The following MPP2 variants were observed in gnomAD, a reference collection of about 807,000 sequenced individuals.
MPP2 encodes the protein MAGUK p55 scaffold protein 2, also known as MAGUK p55 subfamily member 2.
Under a neutral mutation model 58.5 loss-of-function variants are expected in MPP2, and 42 were observed. That is an observed-to-expected ratio of 0.72 (90% CI 0.56 to 0.93). The LOEUF (loss-of-function observed/expected upper bound fraction) is 0.93, where lower values mean the gene tolerates loss of function less well. Among genes scored for constraint, MPP2 ranks in the 40% least tolerant of loss-of-function variants. The pLI, the probability that MPP2 is intolerant of heterozygous loss-of-function variation, is 0.00. For synonymous variants in MPP2, 300 were observed against 307.8 expected (o/e 0.97, Z 0.26); for missense variants, 632 against 760.4 (o/e 0.83, Z 1.99).
Position 43,880,808 on chromosome 17 carries a change from T to G in MPP2, c.1033A>C (p.Met345Leu). 1 of 1,612,970 alleles carries G rather than the reference T, an allele frequency of 6.2e-7. No homozygotes were observed. Among genetic ancestry groups the G allele is most frequent in the Non-Finnish European group, 8.5e-7 (1 of 1,179,258 alleles). ...AGGGTTTTCCGGCGGAACGGGGGCATGCGGGCCACCTCCTCATAAATGAGC... is the reference window on the plus strand; with the variant it reads ...AGGGTTTTCCGGCGGAACGGGGGCAGGCGGGCCACCTCCTCATAAATGAGC... Reference protein sequence around the residue: ...ELLIYEEVARMPPFRRKTLVL... With the variant: ...ELLIYEEVARLPPFRRKTLVL... Residue 345 changes from methionine to leucine, a missense_variant, in exon 10 of 13, where the codon ATG becomes CTG. Physicochemically the swap from Met to Leu is conservative, Grantham distance 15. Transcript: ENST00000269095. The surrounding 1 kb of genome is among the most constrained non-coding windows in gnomAD (Gnocchi z 5.2).
chr17:43,884,734 C>T (rs1199865286), intron 3 of MPP2, among the ~76,000 whole-genome samples: 2 of 152,208 alleles, frequency 1.3e-5, no homozygotes, highest in African/African-American at 4.8e-5. Flanking sequence ...ATTTATGACC[C>T]TTGCCTAAAT....
Position 43,894,444 on chromosome 17 carries a change from TACACACAC to T in MPP2, c.150+3810_150+3817del, listed in dbSNP as rs201714611. On this transcript the variant is annotated intron_variant, in intron 3 of 12. Transcript: ENST00000269095. ...ATATATATATATATATATATATATA[TACACACAC>T]ACACACACACAAAAATTAGCCGGGC... Among the ~76,000 whole-genome samples, 774 of 81,076 alleles carry T rather than the reference TACACACAC, an allele frequency of 9.5e-3. 25 individuals carry two copies. The highest frequency in any genetic ancestry group is 0.024 in the African/African-American group (559 of 23,166). The allele number at this position is 81,076 out of a possible 152,430, so 53.2% of individuals were successfully genotyped here. A position where few individuals can be genotyped will look rare whatever the true frequency, so the allele number is the denominator to read the frequency against.
At position 43,879,952 on chromosome 17, in the gene MPP2, C is replaced by T; in HGVS notation, c.1183G>A (p.Glu395Lys). Residue 395 changes from glutamate to lysine, a missense_variant, in exon 11 of 13, where the codon GAA (glutamate) becomes AAA (lysine). Transcript: ENST00000269095. The surrounding 1 kb of genome is among the most constrained non-coding windows in gnomAD (Gnocchi z 4.1). ...TSRRPKDSER[E>K]GQGYSFVSRG... ...GACACAAAGCTGTAACCCTGACCTT[C>T]CCGCTCTGAGTCTTTCGGCCGCCGG... The T allele has an allele frequency of 6.2e-7, 1 of 1,614,096 alleles. No individual in the cohort carries two copies. Among genetic ancestry groups the T allele is most frequent in the African/African-American group, 1.3e-5 (1 of 75,012 alleles).
At chr17:43,902,753 T>C (rs889385653) in intron 2 of MPP2, among the ~76,000 whole-genome samples, 1 of 152,046 alleles carries the variant, frequency 6.6e-6, no homozygotes, top group Non-Finnish European at 1.5e-5. Flanking sequence ...AGGAGCTGCA[T>C]GGGAGGGAGG....
rs1391153706 is a variant in MPP2, at chr17:43,907,526, C to A, written c.-86G>T. The A allele has an allele frequency of 1.0e-6, 1 of 985,406 alleles. No homozygotes were observed. The highest frequency in any genetic ancestry group is 4.7e-5 in the South Asian group (1 of 21,294). 61.0% of individuals were successfully genotyped at this position (985,406 alleles called of 1,614,324 possible). ...GGCGGCTCCAGCGCAGCCGGGCGCTCAGCGTTTATTGCTTGTCAATCGCTA... is the reference window on the plus strand; with the variant it reads ...GGCGGCTCCAGCGCAGCCGGGCGCTAAGCGTTTATTGCTTGTCAATCGCTA... On this transcript the variant is annotated 5_prime_UTR_variant, in exon 1 of 13. Transcript: ENST00000269095.
chr17:43,908,382 G>A (rs2048366634), upstream of MPP2, among the ~76,000 whole-genome samples: 1 of 152,180 alleles, frequency 6.6e-6, no homozygotes, highest in Non-Finnish European at 1.5e-5. Flanking sequence ...CAGTTGCCCT[G>A]AACAAAATGT....
chr17:43,882,572 A>T (rs1219232581), intron 5 of MPP2, 61 bp from the exon 6 acceptor site: 1 of 1,508,676 alleles, frequency 6.6e-7, no homozygotes, highest in Admixed American at 1.8e-5. Flanking sequence ...ATCTTCAAAT[A>T]GTCTCCTAAT....
chr17:43,878,236 A>G (rs2046934918), intron 12 of MPP2, among the ~76,000 whole-genome samples: 2 of 152,164 alleles, frequency 1.3e-5, no homozygotes, highest in African/African-American at 4.8e-5. Flanking sequence ...ATGCCACATA[A>G]TCTTCACTAC....
intron 2 of MPP2, among the ~76,000 whole-genome samples, chr17:43,899,341 A>C (rs1468152622): frequency 6.6e-6 from 1 of 152,100 alleles, no homozygotes; most frequent in Non-Finnish European, 1.5e-5. Flanking sequence ...TGTACCTGGC[A>C]GGCTCAAGGA....
At chr17:43,901,555 A>G (rs1352755923) in intron 2 of MPP2, 4 of 985,362 alleles carry the variant, frequency 4.1e-6, no homozygotes, top group Non-Finnish European at 4.8e-6. Context: ...GAGGAGTGGC[A>G]CCAGGTCGCA....
At position 43,879,762 on chromosome 17, in the gene MPP2, AAGG is replaced by A; in HGVS notation, c.1353+17_1353+19del. The A allele has an allele frequency of 6.2e-7, 1 of 1,612,304 alleles. No individual in the cohort carries two copies. The highest frequency in any genetic ancestry group is 8.5e-7 in the Non-Finnish European group (1 of 1,179,692). On this transcript the variant is annotated intron_variant, in intron 11 of 12. Coordinates refer to ENST00000269095, the MANE Select transcript of MPP2 (RefSeq NM_005374.5). This position sits in a 1 kb window ranked among gnomAD's most constrained non-coding sequence, Gnocchi z 4.1. ...CAGAGAGGACATTGGGCAGGCTGGG[AAGG>A]AGCAGAGTGGCGGTACCTGGGGGTT...
intron 3 of MPP2, among the ~76,000 whole-genome samples, chr17:43,896,795 T>G (rs188906808): frequency 2.0e-5 from 3 of 152,230 alleles, no homozygotes; most frequent in African/African-American, 7.2e-5. Context: ...TCCTGCTCCA[T>G]CTCTGATCCC....
chr17:43,882,384 C>G lies in MPP2; in HGVS notation c.581G>C (p.Gly194Ala). The G allele has an allele frequency of 6.2e-7, 1 of 1,612,104 alleles. No individual in the cohort carries two copies. The highest frequency in any genetic ancestry group is 8.5e-7 in the Non-Finnish European group (1 of 1,179,968). ...IIKEVNGQPV[G>A]SDPRALQELL... Reference sequence around the variant, plus strand: ...CTCCTGCAGTGCGCGGGGGTCACTGCCCACTGGCTGCCCGTTCACCTCCTT... The same window carrying G: ...CTCCTGCAGTGCGCGGGGGTCACTGGCCACTGGCTGCCCGTTCACCTCCTT... The change falls in exon 6 of 13, where the codon GGC (glycine) becomes GCC (alanine). Residue 194 changes from glycine (G) to alanine (A), a missense_variant. Gly to Ala is a moderately conservative substitution (Grantham distance 60). Coordinates refer to ENST00000269095, the MANE Select transcript of MPP2 (RefSeq NM_005374.5).
At chr17:43,889,627 C>G (rs987277243) in intron 3 of MPP2, among the ~76,000 whole-genome samples, 1 of 152,010 alleles carries the variant, frequency 6.6e-6, no homozygotes, top group African/African-American at 2.4e-5. Flanking sequence ...TCCCAAAGTG[C>G]TGGGATTACA....
In MPP2 at chr17:43,879,436, T is replaced by TC. The variant is rs1232394662; in HGVS notation, c.1354-34dup. The TC allele has an allele frequency of 1.9e-6, 3 of 1,611,208 alleles. No individual in the cohort carries two copies. The East Asian group carries it at 6.7e-5, about 36-fold the overall frequency. On this transcript the variant is annotated intron_variant, in intron 11 of 12. Transcript: ENST00000269095. The surrounding 1 kb of genome is among the most constrained non-coding windows in gnomAD (Gnocchi z 4.1). ...AGGAGAAGGCAAGGTAGGGAGTATA[T>TC]CCCCATGTCTGTCCTAGGAACCAGA...
rs1174961625 is a variant in MPP2, at chr17:43,876,095, T to C, written c.*1712A>G. ...ACGAGATGGGGGCAGGCCTGGCCTT[T>C]CCACCCCATGTGTATAGTCTATGCA... On this transcript the variant is annotated 3_prime_UTR_variant, in exon 13 of 13. Transcript: ENST00000269095. The C allele has an allele frequency of 6.6e-6, 1 of 152,644 alleles. No individual in the cohort carries two copies. Among genetic ancestry groups the C allele is most frequent in the East Asian group, 1.9e-4 (1 of 5,206 alleles). The allele number at this position is 152,644 out of a possible 1,614,324, so 9.5% of individuals were successfully genotyped here.
In MPP2 at chr17:43,880,568, C is replaced by T. The variant is rs2036323752; in HGVS notation, c.1150+123G>A. ...CCCACAGAGGGCGTGCACCCCAACC[C>T]GTGTACCCAAAGGTACCACCTGGCC... On this transcript the variant is annotated intron_variant, in intron 10 of 12. Transcript: ENST00000269095. The surrounding 1 kb of genome is among the most constrained non-coding windows in gnomAD (Gnocchi z 5.2). 8 of 1,168,856 alleles carry T rather than the reference C, an allele frequency of 6.8e-6. No homozygotes were observed. Among genetic ancestry groups the T allele is most frequent in the East Asian group, 5.2e-5 (2 of 38,532 alleles). The allele number at this position is 1,168,856 out of a possible 1,614,324, so 72.4% of individuals were successfully genotyped here. A position where few individuals can be genotyped will look rare whatever the true frequency, so the allele number is the denominator to read the frequency against.
intron 2 of MPP2, among the ~76,000 whole-genome samples, chr17:43,903,308 A>G (rs1293404423): frequency 2.0e-5 from 3 of 151,912 alleles, no homozygotes; most frequent in Admixed American, 2.0e-4. Flanking sequence ...AAAAAAGTTA[A>G]GAACACTGAT....
chr17:43,906,803 G>A (rs1290594574), intron 1 of MPP2, among the ~76,000 whole-genome samples: 1 of 152,050 alleles, frequency 6.6e-6, no homozygotes, highest in Non-Finnish European at 1.5e-5. Flanking sequence ...CCGGAGACCA[G>A]GGATGAGGTC....
Sources: allele counts gnomAD v4.1 joint callset (sites outside exome capture counted in the v4.1 genomes callset), GRCh38; gene constraint gnomAD v4.1.1; non-coding constraint Gnocchi (gnomAD v3.1); transcripts MANE v1.5; gene names NCBI Gene and HGNC (gene_info 2026-07-23, HGNC 2026-07-21).